Variants in RABEP2 observed in about 807,000 individuals in gnomAD.
RABEP2 encodes rab GTPase-binding effector protein 2.
In RABEP2, 57 loss-of-function variants were observed where a neutral mutation model predicts 74.1. The ratio of observed to expected loss-of-function variants is 0.77; its 90% CI spans 0.62 to 0.96. The LOEUF (loss-of-function observed/expected upper bound fraction) is 0.96, where lower values mean the gene tolerates loss of function less well. Ranked by LOEUF, RABEP2 falls within the 40% of genes least tolerant of loss-of-function variation. The pLI, the probability that RABEP2 is intolerant of heterozygous loss-of-function variation, is 0.00. For missense variants in RABEP2, 692 were observed against 756.3 expected, an observed-to-expected ratio of 0.91 and a Z score of 1.00; for synonymous variants, 351 against 344.0, an observed-to-expected ratio of 1.02 and a Z score of -0.23.
At position 28,915,530 on chromosome 16, in the gene RABEP2, T is replaced by C. The variant is rs577512173; in HGVS notation, c.433-748A>G. On this transcript the variant is annotated intron_variant, in intron 3 of 12. Transcript: ENST00000358201. ...CCAAGGGGACCTTCCAGGACAACTC[T>C]TTATTTTATTTGTATTATTATTACA... Among the ~76,000 whole-genome samples, 210 of 152,180 alleles carry C rather than the reference T, an allele frequency of 1.4e-3. 1 individual carries two copies. The highest frequency in any genetic ancestry group is 6.8e-3 in the Admixed American group (104 of 15,274).
At position 28,904,846 on chromosome 16, in the gene RABEP2, G is replaced by C; in HGVS notation, c.*97C>G. On this transcript the variant is annotated 3_prime_UTR_variant, in exon 13 of 13. Coordinates refer to ENST00000358201, the MANE Select transcript of RABEP2 (RefSeq NM_024816.3). ...TCCCCTCAACCCCAGTCTCAGGGAC[G>C]GTGGAAAAGCCATCCAAGACCCCAG... 2 of 924,774 alleles carry C rather than the reference G, an allele frequency of 2.2e-6. No individual in the cohort carries two copies. 57.3% of individuals were successfully genotyped at this position (924,774 alleles called of 1,614,324 possible).
intron 2 of RABEP2, 108 bp from the exon 3 acceptor site, chr16:28,920,051 A>T: frequency 7.9e-7 from 1 of 1,263,390 alleles, no homozygotes; most frequent in Non-Finnish European, 1.1e-6. Context: ...GAGACAATCT[A>T]CCATAGCAGT....
chr16:28,921,776 C>T (rs1201235004), intron 2 of RABEP2, among the ~76,000 whole-genome samples: 1 of 150,456 alleles, frequency 6.6e-6, no homozygotes, highest in African/African-American at 2.4e-5. Context: ...ACCAGCCTGG[C>T]CAACATAGTG....
Position 28,904,786 on chromosome 16 carries a change from G to T in RABEP2, c.*157C>A. On this transcript the variant is annotated 3_prime_UTR_variant, in exon 13 of 13. Coordinates refer to ENST00000358201, the MANE Select transcript of RABEP2 (RefSeq NM_024816.3). ...GGAGGCCCAGCCACCCTGGGAGGAG[G>T]CGCTGGAGGGCGGGGCGGTGGTGGC... The T allele has an allele frequency of 1.5e-6, 1 of 673,326 alleles. No homozygotes were observed. The allele number at this position is 673,326 out of a possible 1,614,324, so 41.7% of individuals were successfully genotyped here.
intron 3 of RABEP2, among the ~76,000 whole-genome samples, chr16:28,918,668 T>A (rs1964427940): frequency 6.6e-6 from 1 of 151,532 alleles, no homozygotes. Context: ...TTTTTTTTTT[T>A]AAAGAGACAG....
At position 28,905,772 on chromosome 16, in the gene RABEP2, G is replaced by A. The variant is rs1964217924; in HGVS notation, c.1436-13C>T. On this transcript the variant is annotated splice_polypyrimidine_tract_variant and intron_variant, in intron 10 of 12. Coordinates refer to ENST00000358201, the MANE Select transcript of RABEP2 (RefSeq NM_024816.3). ...CTGCACAGGGAGGCTGGGAAGTCAG[G>A]GCAGGGGGAGACGTCAGGGCCATGC... 3.7e-6 allele frequency: 6 copies of A among 1,613,968 alleles called. No individual in the cohort carries two copies. In the East Asian group the frequency reaches 1.1e-4, roughly 30 times the overall value.
chr16:28,908,152 G>A (rs545535859), intron 8 of RABEP2, among the ~76,000 whole-genome samples: 14 of 152,090 alleles, frequency 9.2e-5, no homozygotes, highest in Non-Finnish European at 1.8e-4. Flanking sequence ...CGTTGGCCAG[G>A]CTGGTCTCAA....
Position 28,908,604 on chromosome 16 carries a change from C to G in RABEP2, c.1245+5G>C. On this transcript the variant is annotated splice_donor_5th_base_variant and intron_variant, in intron 8 of 12. Transcript: ENST00000358201. ...CCAGGCTCTCAGTGCCCACACTCAG[C>G]TTACTGGCACAGAGCTGGGCAGTGA... 6.2e-7 allele frequency: 1 copy of G among 1,605,484 alleles called. No homozygotes were observed. The highest frequency in any genetic ancestry group is 8.5e-7 in the Non-Finnish European group (1 of 1,175,788).
intron 3 of RABEP2, among the ~76,000 whole-genome samples, chr16:28,915,987 G>A (rs903884867): frequency 4.6e-5 from 7 of 151,430 alleles, no homozygotes; most frequent in South Asian, 2.1e-4. Context: ...TTACAGATGC[G>A]TGCCACCACG....
intron 5 of RABEP2, 138 bp downstream of exon 5, chr16:28,914,098 G>T: frequency 2.9e-6 from 2 of 700,430 alleles, no homozygotes; most frequent in Non-Finnish European, 4.6e-6. Flanking sequence ...ACATCTGCCT[G>T]CCTTCACCAG....
At position 28,904,428 on chromosome 16, in the gene RABEP2, A is replaced by G; in HGVS notation, c.*515T>C. 1 of 1,532,240 alleles carries G rather than the reference A, an allele frequency of 6.5e-7. No homozygotes were observed. Among genetic ancestry groups the G allele is most frequent in the Non-Finnish European group, 8.7e-7 (1 of 1,144,728 alleles). 94.9% of individuals were successfully genotyped at this position (1,532,240 alleles called of 1,614,324 possible). On this transcript the variant is annotated 3_prime_UTR_variant, in exon 13 of 13. Coordinates refer to ENST00000358201, the MANE Select transcript of RABEP2 (RefSeq NM_024816.3). ...AGGGACAAGGCGACCGACTGCGCTGAGCTGCTTATTTATTGAAAATAAACG... is the reference window on the plus strand; with the variant it reads ...AGGGACAAGGCGACCGACTGCGCTGGGCTGCTTATTTATTGAAAATAAACG...
At chr16:28,907,162 G>T (rs867640168) in intron 8 of RABEP2, among the ~76,000 whole-genome samples, 17 of 127,920 alleles carry the variant, frequency 1.3e-4, no homozygotes, top group South Asian at 2.5e-4. Context: ...TTTTGCCTTT[G>T]TTTTTTTTTT....
rs1302942364 is a variant in RABEP2, at chr16:28,904,557, AGGGCC to A, written c.*381_*385del. 9.2e-6 allele frequency: 13 copies of A among 1,407,846 alleles called. No homozygotes were observed. The East Asian group carries it at 4.2e-4, about 46-fold the overall frequency. 87.2% of individuals were successfully genotyped at this position (1,407,846 alleles called of 1,614,324 possible). A position where few individuals can be genotyped will look rare whatever the true frequency, so the allele number is the denominator to read the frequency against. Reference sequence around the variant, plus strand: ...AGACCAGAAGGCAGCTGCCTGTCCCAGGGCCGGGGCCCACCTCACTGCCTCTGATG... The same window carrying A: ...AGACCAGAAGGCAGCTGCCTGTCCCAGGGGCCCACCTCACTGCCTCTGATG... On this transcript the variant is annotated 3_prime_UTR_variant, in exon 13 of 13. Transcript: ENST00000358201.
chr16:28,923,280 TGC>T lies in RABEP2; in HGVS notation c.274+1121_274+1122del, dbSNP rs1567500322. On this transcript the variant is annotated intron_variant, in intron 2 of 12. Coordinates refer to ENST00000358201, the MANE Select transcript of RABEP2 (RefSeq NM_024816.3). ...TAAAAATTAGCCAGGCATGGTGGCA[TGC>T]ACCTGTAGTCTTGGCTACTTGGGAG... Among the ~76,000 whole-genome samples the T allele has an allele frequency of 2.0e-5, 3 of 152,072 alleles. No individual in the cohort carries two copies. In the South Asian group the frequency reaches 6.2e-4, roughly 32 times the overall value.
At chr16:28,920,006 G>A (rs555360103) in intron 2 of RABEP2, 63 bp from the exon 3 acceptor site, 50 of 1,483,906 alleles carry the variant, frequency 3.4e-5, no homozygotes, top group Admixed American at 2.6e-4. Context: ...GCCTGTGGGC[G>A]AGCAGGGGAC....
rs550518363 is a variant in RABEP2, at chr16:28,914,583, G to A, written c.547C>T (p.Arg183Cys). Residue 183 changes from arginine to cysteine, a missense_variant, in exon 5 of 13, where the codon CGT (arginine) becomes TGT (cysteine). By Grantham distance (180) the Arg-to-Cys change is radical. Coordinates refer to ENST00000358201, the MANE Select transcript of RABEP2 (RefSeq NM_024816.3). ...AEELIQEIQR[R>C]PRHAPSLHGS... ...TGCAGGGAAGGGGCATGCCGGGGAC[G>A]TCTCTAGGGAAGGGGGCAGGGAAGA... is the stretch of plus-strand genomic sequence containing the variant. 62 of 1,608,740 alleles carry A rather than the reference G, an allele frequency of 3.9e-5. No homozygotes were observed. Among genetic ancestry groups the A allele is most frequent in the African/African-American group, 2.0e-4 (15 of 74,898 alleles).
intron 1 of RABEP2, chr16:28,924,822 A>G (rs1027448753): frequency 3.7e-6 from 2 of 538,964 alleles, no homozygotes; most frequent in African/African-American, 4.5e-5. Context: ...CGCGGTGGCC[A>G]GTTTCACTCA....
intron 1 of RABEP2, 99 bp from the exon 2 acceptor site, chr16:28,924,714 G>A: frequency 8.7e-7 from 1 of 1,149,370 alleles, no homozygotes; most frequent in Non-Finnish European, 1.3e-6. Context: ...CTTCATCTGG[G>A]GCCTCCTTCA....
intron 7 of RABEP2, among the ~76,000 whole-genome samples, chr16:28,908,985 A>G (rs1364326785): frequency 6.8e-6 from 1 of 146,502 alleles, no homozygotes; most frequent in Non-Finnish European, 1.5e-5. Context: ...CCCAAGCCAG[A>G]TATTTTACTT....
Sources: allele counts gnomAD v4.1 joint callset (sites outside exome capture counted in the v4.1 genomes callset), GRCh38; gene constraint gnomAD v4.1.1; transcripts MANE v1.5; gene names NCBI Gene and HGNC (gene_info 2026-07-23, HGNC 2026-07-21).